Variants in MRPL42 observed in about 807,000 individuals in gnomAD.
The protein encoded by MRPL42 is mitochondrial ribosomal protein L42.
Under a neutral mutation model 17.9 loss-of-function variants are expected in MRPL42, and 17 were observed. That is an observed-to-expected ratio of 0.95 (90% CI 0.65 to 1.42). The LOEUF is 1.42. MRPL42 is among the 40% of genes most tolerant of loss of function. The pLI is 0.00. For missense variants in MRPL42, 177 were observed against 175.2 expected (o/e 1.01, Z -0.06); for synonymous variants, 59 against 54.4 (o/e 1.08, Z -0.37).
At chr12:93,495,019 G>A (rs367931867) in intron 5 of MRPL42, among the ~76,000 whole-genome samples, 7 of 152,150 alleles carry the variant, frequency 4.6e-5, no homozygotes, top group Admixed American at 6.5e-5. Flanking sequence ...TGAAGTTCAC[G>A]CTGTTTGCAG....
chr12:93,490,802 G>T (rs1166777583), intron 5 of MRPL42, among the ~76,000 whole-genome samples: 1 of 152,136 alleles, frequency 6.6e-6, no homozygotes, highest in Non-Finnish European at 1.5e-5. Context: ...AAAAGAATGG[G>T]ACTCATTATG....
Position 93,514,295 on chromosome 12 carries a change from C to CTTTTTTTTTTTTTTTTTTTTTT in MRPL42, c.*13094_*13095insTTTTTTTTTTTTTTTTTTTTTT, listed in dbSNP as rs55890236. ...CCCTCTGCTTTTTCTTTCTTTCTTT[C>CTTTTTTTTTTTTTTTTTTTTTT]TTTTTTTTTTTTTTTTTTTTGAGAT... On this transcript the variant is annotated 3_prime_UTR_variant, in exon 6 of 6. Transcript: ENST00000549982. The CTTTTTTTTTTTTTTTTTTTTTT allele has an allele frequency of 8.3e-6, 1 of 120,852 alleles. No homozygotes were observed. Among genetic ancestry groups the CTTTTTTTTTTTTTTTTTTTTTT allele is most frequent in the Admixed American group, 8.7e-5 (1 of 11,558 alleles). The allele number at this position is 120,852 out of a possible 1,614,324, so 7.5% of individuals were successfully genotyped here.
rs1330915863 is a variant in MRPL42, at chr12:93,512,667, A to C, written c.*11446A>C. The C allele has an allele frequency of 6.6e-6, 1 of 152,330 alleles. No homozygotes were observed. Among genetic ancestry groups the C allele is most frequent in the Non-Finnish European group, 1.5e-5 (1 of 68,048 alleles). The allele number at this position is 152,330 out of a possible 1,614,324, so 9.4% of individuals were successfully genotyped here. A position where few individuals can be genotyped will look rare whatever the true frequency, so the allele number is the denominator to read the frequency against. ...CAGAGTTGCTACAGATTGTTATTAC[A>C]TGTTCCATAATTTAACAATTGTCAT... On this transcript the variant is annotated 3_prime_UTR_variant, in exon 6 of 6. Coordinates refer to ENST00000549982, the MANE Select transcript of MRPL42 (RefSeq NM_014050.4).
At chr12:93,492,394 CAT>C (rs769952529) in intron 5 of MRPL42, among the ~76,000 whole-genome samples, 8 of 151,930 alleles carry the variant, frequency 5.3e-5, no homozygotes, top group Admixed American at 1.3e-4. Context: ...AGCATTTTTT[CAT>C]ATGTTTGTTG....
intron 1 of MRPL42, among the ~76,000 whole-genome samples, chr12:93,468,158 A>G (rs1029708577): frequency 1.3e-5 from 2 of 152,188 alleles, no homozygotes; most frequent in Admixed American, 6.5e-5. Context: ...CAGAGCACAT[A>G]TTGTATATGA....
At chr12:93,475,863 C>G (rs1406711047) in intron 2 of MRPL42, among the ~76,000 whole-genome samples, 1 of 151,900 alleles carries the variant, frequency 6.6e-6, no homozygotes, top group African/African-American at 2.4e-5. Context: ...GGCCTGTAGT[C>G]CCAGCTACTT....
At position 93,501,312 on chromosome 12, in the gene MRPL42, G is replaced by A; in HGVS notation, c.*91G>A. Reference sequence around the variant, plus strand: ...GGTGTATTCAGTAATATATAGTAAAGTAATAATGATAAAATATCTTTTCAT... The same window carrying A: ...GGTGTATTCAGTAATATATAGTAAAATAATAATGATAAAATATCTTTTCAT... On this transcript the variant is annotated 3_prime_UTR_variant, in exon 6 of 6. Transcript: ENST00000549982. 2.5e-6 allele frequency: 2 copies of A among 788,284 alleles called. No homozygotes were observed. The highest frequency in any genetic ancestry group is 3.2e-5 in the East Asian group (1 of 31,726). 48.8% of individuals were successfully genotyped at this position (788,284 alleles called of 1,614,324 possible).
intron 5 of MRPL42, among the ~76,000 whole-genome samples, chr12:93,491,485 G>A (rs906238381): frequency 2.6e-5 from 4 of 152,310 alleles, no homozygotes; most frequent in South Asian, 4.1e-4. Context: ...AAAACTTAGA[G>A]ACCAAAGTGC....
rs1261797725 is a variant in MRPL42 at position 93,501,724 on chromosome 12, T to C, written c.*503T>C. The C allele has an allele frequency of 2.0e-5, 3 of 152,252 alleles. No individual in the cohort carries two copies. The highest frequency in any genetic ancestry group is 4.4e-5 in the Non-Finnish European group (3 of 68,060). The allele number at this position is 152,252 out of a possible 1,614,324, so 9.4% of individuals were successfully genotyped here. On this transcript the variant is annotated 3_prime_UTR_variant, in exon 6 of 6. Coordinates refer to ENST00000549982, the MANE Select transcript of MRPL42 (RefSeq NM_014050.4). ...GTGTCTACTGTGATTTAAGTATTTTTAATCATCAGCCAAGCATTGTTAGTA... is the reference window on the plus strand; with the variant it reads ...GTGTCTACTGTGATTTAAGTATTTTCAATCATCAGCCAAGCATTGTTAGTA...
At chr12:93,481,669 C>T (rs145906325) in intron 4 of MRPL42, among the ~76,000 whole-genome samples, 7 of 152,304 alleles carry the variant, frequency 4.6e-5, no homozygotes, top group Non-Finnish European at 7.3e-5. Flanking sequence ...CTCTCTACAT[C>T]AGCTACCCAC....
intron 4 of MRPL42, among the ~76,000 whole-genome samples, chr12:93,486,103 T>C (rs1470376787): frequency 6.6e-6 from 1 of 152,176 alleles, no homozygotes; most frequent in African/African-American, 2.4e-5. Flanking sequence ...GTGCTGGGAT[T>C]ACAGATGTGA....
rs1491056056 is a variant in MRPL42, at chr12:93,506,281, T to TC, written c.*5060_*5061insC. On this transcript the variant is annotated 3_prime_UTR_variant, in exon 6 of 6. Coordinates refer to ENST00000549982, the MANE Select transcript of MRPL42 (RefSeq NM_014050.4). ...GTCTCTTTTTTTTTTTTTTTTTTTT[T>TC]TGGGACAGAGTCTTGCTCTTGTTGC... 6.2e-5 allele frequency: 7 copies of TC among 113,438 alleles called. No homozygotes were observed. Among genetic ancestry groups the TC allele is most frequent in the African/African-American group, 2.0e-4 (7 of 35,196 alleles). The allele number at this position is 113,438 out of a possible 1,614,324, so 7.0% of individuals were successfully genotyped here.
chr12:93,485,757 A>G (rs866220892), intron 4 of MRPL42, among the ~76,000 whole-genome samples: 3 of 152,154 alleles, frequency 2.0e-5, no homozygotes, highest in Admixed American at 6.6e-5. Flanking sequence ...AATATCACTT[A>G]ATATTTAAAA....
intron 2 of MRPL42, among the ~76,000 whole-genome samples, chr12:93,474,927 C>G (rs1880088693): frequency 1.3e-5 from 2 of 152,070 alleles, no homozygotes; most frequent in South Asian, 4.1e-4. Context: ...GAAACCCTGT[C>G]TCTACCAAAA....
In MRPL42 at chr12:93,476,696, C is replaced by T. The variant is rs139277980; in HGVS notation, c.71-258C>T. 5.9e-5 allele frequency among the ~76,000 whole-genome samples: 9 copies of T among 152,280 alleles called. No individual in the cohort carries two copies. In the East Asian group the frequency reaches 1.7e-3, roughly 29 times the overall value. ...TGTTTGGTAGCCTTTCTGTGTGGCC[C>T]ATCTTTGCCAATGTTTACCATTCCT... On this transcript the variant is annotated intron_variant, in intron 2 of 5. Coordinates refer to ENST00000549982, the MANE Select transcript of MRPL42 (RefSeq NM_014050.4).
intron 5 of MRPL42, among the ~76,000 whole-genome samples, chr12:93,497,912 C>T (rs1953536091): frequency 6.7e-6 from 1 of 148,382 alleles, no homozygotes; most frequent in African/African-American, 2.5e-5. Context: ...CCTCTCTGCT[C>T]TCATGCCCTA....
intron 5 of MRPL42, among the ~76,000 whole-genome samples, chr12:93,500,338 G>A (rs933144916): frequency 6.6e-6 from 1 of 152,042 alleles, no homozygotes; most frequent in Non-Finnish European, 1.5e-5. Flanking sequence ...AAAGTATTTT[G>A]AAGTAAAAGT....
chr12:93,499,699 T>C (rs543238871), intron 5 of MRPL42, among the ~76,000 whole-genome samples: 1 of 152,208 alleles, frequency 6.6e-6, no homozygotes, highest in Non-Finnish European at 1.5e-5. Context: ...TTTTGACAGC[T>C]TACTGTTCCA....
At chr12:93,482,934 C>G (rs2058192747) in intron 4 of MRPL42, among the ~76,000 whole-genome samples, 1 of 151,380 alleles carries the variant, frequency 6.6e-6, no homozygotes. Flanking sequence ...CTCTGTCAAC[C>G]AGGCTAGAAT....
Sources: allele counts gnomAD v4.1 joint callset (sites outside exome capture counted in the v4.1 genomes callset), GRCh38; gene constraint gnomAD v4.1.1; transcripts MANE v1.5; gene names NCBI Gene and HGNC (gene_info 2026-07-23, HGNC 2026-07-21).